CACNA2D3: variants seen among roughly 807,000 people sequenced by gnomAD.
The protein encoded by CACNA2D3 is voltage-dependent calcium channel subunit alpha-2/delta-3.
CACNA2D3 carries 60 observed loss-of-function variants against 160.6 expected under a neutral mutation model. That is an observed-to-expected ratio of 0.37 (90% CI 0.30 to 0.46). The LOEUF is 0.46. CACNA2D3 is among the 20% of genes least tolerant of loss of function. The pLI is 1.00. For missense variants in CACNA2D3, 1,205 were observed against 1,365.0 expected (o/e 0.88, Z 1.85); for synonymous variants, 558 against 492.9 (o/e 1.13, Z -1.75).
At chr3:54,275,322 T>C (rs1426610454) in intron 2 of CACNA2D3, among the ~76,000 whole-genome samples, 1 of 152,190 alleles carries the variant, frequency 6.6e-6, no homozygotes, top group Admixed American at 6.5e-5. Flanking sequence ...CAGGGAGTAG[T>C]TCTTGACCTC....
chr3:54,980,423 A>C (rs1056605382), intron 29 of CACNA2D3, among the ~76,000 whole-genome samples: 1 of 152,198 alleles, frequency 6.6e-6, no homozygotes, highest in African/African-American at 2.4e-5. Context: ...AAGTCATTCA[A>C]ACTTTTAGCT....
At chr3:54,464,141 C>T (rs911977271) in intron 4 of CACNA2D3, among the ~76,000 whole-genome samples, 1 of 152,176 alleles carries the variant, frequency 6.6e-6, no homozygotes, top group Non-Finnish European at 1.5e-5. Flanking sequence ...AGTTTTGTCT[C>T]AGAGGAGTAC....
intron 35 of CACNA2D3, among the ~76,000 whole-genome samples, chr3:55,052,401 T>C (rs1044034080): frequency 2.0e-5 from 3 of 151,434 alleles, no homozygotes; most frequent in Non-Finnish European, 4.4e-5. Context: ...ATACATATAT[T>C]CTATATATAT....
At chr3:54,492,000 A>G (rs1206454930) in intron 4 of CACNA2D3, among the ~76,000 whole-genome samples, 1 of 152,170 alleles carries the variant, frequency 6.6e-6, no homozygotes, top group African/African-American at 2.4e-5. Flanking sequence ...GCACGCAAAC[A>G]TAGCCTTTTT....
At chr3:54,902,943 T>C (rs1398304736) in intron 27 of CACNA2D3, among the ~76,000 whole-genome samples, 2 of 152,212 alleles carry the variant, frequency 1.3e-5, no homozygotes, top group Admixed American at 6.5e-5. Flanking sequence ...TAAATAAATA[T>C]TTCCTGAGCC....
chr3:54,549,171 G>T (rs1488835628), intron 5 of CACNA2D3, among the ~76,000 whole-genome samples: 1 of 152,186 alleles, frequency 6.6e-6, no homozygotes, highest in Non-Finnish European at 1.5e-5. Context: ...AACAGGCCAG[G>T]CATGGTGGCT....
At chr3:54,145,279 T>C (rs1465141233) in intron 2 of CACNA2D3, among the ~76,000 whole-genome samples, 1 of 152,072 alleles carries the variant, frequency 6.6e-6, no homozygotes, top group African/African-American at 2.4e-5. Context: ...CCGGAGTAAA[T>C]GGAGATATTT....
At chr3:54,936,701 A>G (rs1383521800) in intron 27 of CACNA2D3, among the ~76,000 whole-genome samples, 1 of 152,060 alleles carries the variant, frequency 6.6e-6, no homozygotes, top group African/African-American at 2.4e-5. Context: ...GCCCGTCGCT[A>G]GTAGGAGGCC....
At chr3:54,907,290 A>G (rs192859426) in intron 27 of CACNA2D3, among the ~76,000 whole-genome samples, 18 of 152,266 alleles carry the variant, frequency 1.2e-4, no homozygotes, top group Non-Finnish European at 5.9e-5. Flanking sequence ...TCCTTTTCAC[A>G]TGTGTAAGAG....
chr3:54,375,172 C>A (rs577724661), intron 3 of CACNA2D3, among the ~76,000 whole-genome samples: 117 of 152,092 alleles, frequency 7.7e-4, no homozygotes, highest in Non-Finnish European at 1.4e-3. Flanking sequence ...TAGTTGCTCC[C>A]TTGGTGGTAT....
intron 11 of CACNA2D3, among the ~76,000 whole-genome samples, chr3:54,658,471 T>A (rs77956273): frequency 0.029 from 4,458 of 152,308 alleles, 221 homozygotes; most frequent in African/African-American, 0.1. Flanking sequence ...CATTTGTATA[T>A]CTTCTCTGGA....
intron 35 of CACNA2D3, among the ~76,000 whole-genome samples, chr3:55,036,817 T>G (rs1703827308): frequency 6.6e-6 from 1 of 152,236 alleles, no homozygotes; most frequent in Non-Finnish European, 1.5e-5. Context: ...GACTTTTCAC[T>G]TTAAAAAATG....
intron 4 of CACNA2D3, among the ~76,000 whole-genome samples, chr3:54,405,552 A>G (rs758140328): frequency 2.0e-5 from 3 of 152,098 alleles, no homozygotes; most frequent in African/African-American, 4.8e-5. Context: ...CTTATCTTAT[A>G]TACAAAAATC....
At chr3:54,747,939 C>T (rs937073928) in intron 11 of CACNA2D3, among the ~76,000 whole-genome samples, 2 of 152,184 alleles carry the variant, frequency 1.3e-5, no homozygotes, top group African/African-American at 2.4e-5. Context: ...TCAACAAATA[C>T]ATAAACATTC....
chr3:54,169,107 G>T lies in CACNA2D3; in HGVS notation c.204+45513G>T, dbSNP rs115940901. On this transcript the variant is annotated intron_variant, in intron 2 of 37. Coordinates refer to ENST00000474759, the MANE Select transcript of CACNA2D3 (RefSeq NM_018398.3). ...GAGTCTGCTTGTGAGCTGTGAGTTA[G>T]TTGTGACACGAGAGACCCCAAGGGT... 4.9e-3 allele frequency among the ~76,000 whole-genome samples: 741 copies of T among 152,312 alleles called. 9 individuals carry two copies. The highest frequency in any genetic ancestry group is 0.017 in the African/African-American group (707 of 41,568).
At chr3:54,984,545 A>C (rs1702573753) in intron 29 of CACNA2D3, 63 bp from the exon 30 acceptor site, 4 of 895,280 alleles carry the variant, frequency 4.5e-6, no homozygotes, top group Admixed American at 4.4e-5. Context: ...TCTGTTTAAA[A>C]GCAGTGTGAT....
At chr3:55,039,317 C>T (rs1009742094) in intron 35 of CACNA2D3, among the ~76,000 whole-genome samples, 7 of 151,948 alleles carry the variant, frequency 4.6e-5, no homozygotes, top group South Asian at 4.1e-4. Context: ...AGATTGACTA[C>T]GGGGAAAAGA....
chr3:54,239,336 C>T (rs961882568), intron 2 of CACNA2D3, among the ~76,000 whole-genome samples: 6 of 152,150 alleles, frequency 3.9e-5, no homozygotes, highest in African/African-American at 9.7e-5. Flanking sequence ...TAAGGTTAAC[C>T]ACTATCCCAA....
chr3:54,403,286 C>T (rs576587906), intron 4 of CACNA2D3, among the ~76,000 whole-genome samples: 1 of 151,150 alleles, frequency 6.6e-6, no homozygotes, highest in South Asian at 2.1e-4. Flanking sequence ...ACCTGGGAGG[C>T]AGAGGTTTCA....
Sources: allele counts gnomAD v4.1 joint callset (sites outside exome capture counted in the v4.1 genomes callset), GRCh38; gene constraint gnomAD v4.1.1; transcripts MANE v1.5; gene names NCBI Gene and HGNC (gene_info 2026-07-23, HGNC 2026-07-21).